MARCHF6: variants seen among roughly 807,000 people sequenced by gnomAD.
MARCHF6 encodes membrane associated ring-CH-type finger 6.
Under a neutral mutation model 133.7 loss-of-function variants are expected in MARCHF6, and 31 were observed. The ratio of observed to expected loss-of-function variants is 0.23; its 90% CI spans 0.17 to 0.31. The LOEUF (loss-of-function observed/expected upper bound fraction) is 0.31, where lower values mean the gene tolerates loss of function less well. MARCHF6 is among the 10% of genes least tolerant of loss of function. MARCHF6 has a pLI of 1.00. For missense variants in MARCHF6, 723 were observed against 1,121.6 expected (o/e 0.64, Z 5.08); for synonymous variants, 395 against 402.5 (o/e 0.98, Z 0.22).
intron 1 of MARCHF6, among the ~76,000 whole-genome samples, chr5:10,373,798 C>G (rs1736603573): frequency 6.6e-6 from 1 of 152,176 alleles, no homozygotes; most frequent in Non-Finnish European, 1.5e-5. Flanking sequence ...TGCACCCACC[C>G]TCCCTGGTAG....
At chr5:10,425,356 CT>C (rs1348064599) in intron 23 of MARCHF6, among the ~76,000 whole-genome samples, 2 of 152,184 alleles carry the variant, frequency 1.3e-5, no homozygotes, top group African/African-American at 2.4e-5. Flanking sequence ...AGGTTAGCCT[CT>C]GGCCCTTGAA....
intron 6 of MARCHF6, among the ~76,000 whole-genome samples, chr5:10,390,897 A>G (rs1235235317): frequency 6.6e-6 from 1 of 152,198 alleles, no homozygotes; most frequent in East Asian, 1.9e-4. Flanking sequence ...TGTCTTATAA[A>G]AAGGACTACA....
At chr5:10,430,409 G>A (rs1467273011) in intron 25 of MARCHF6, among the ~76,000 whole-genome samples, 3 of 150,632 alleles carry the variant, frequency 2.0e-5, no homozygotes, top group Admixed American at 6.6e-5. Flanking sequence ...AGGTTCAAGC[G>A]ATTCTCCTGC....
chr5:10,364,044 G>GT (rs1472371440), intron 1 of MARCHF6, among the ~76,000 whole-genome samples: 1 of 152,202 alleles, frequency 6.6e-6, no homozygotes, highest in Non-Finnish European at 1.5e-5. Context: ...TTGCGTAACT[G>GT]TAAATATACT....
chr5:10,415,368 A>G (rs1561142808), intron 20 of MARCHF6, 120 bp from the exon 21 acceptor site: 7 of 879,626 alleles, frequency 8.0e-6, no homozygotes, highest in Admixed American at 2.5e-5. Flanking sequence ...TTTGATGAAG[A>G]CATTGATATA....
chr5:10,426,843 A>C (rs568380087), intron 24 of MARCHF6, among the ~76,000 whole-genome samples: 1 of 152,352 alleles, frequency 6.6e-6, no homozygotes, highest in African/African-American at 2.4e-5. Flanking sequence ...ATATAAAATT[A>C]AGTAACAGTG....
intron 1 of MARCHF6, among the ~76,000 whole-genome samples, chr5:10,362,863 A>T (rs1241880922): frequency 6.6e-6 from 1 of 152,168 alleles, no homozygotes; most frequent in Non-Finnish European, 1.5e-5. Context: ...AGTGTAGGAT[A>T]GAGTCCAGAA....
intron 1 of MARCHF6, among the ~76,000 whole-genome samples, chr5:10,367,325 G>T (rs1249064611): frequency 6.6e-6 from 1 of 152,204 alleles, no homozygotes; most frequent in Non-Finnish European, 1.5e-5. Flanking sequence ...TGTAACAAAA[G>T]TGTAACAAAT....
chr5:10,406,525 G>A lies in MARCHF6; in HGVS notation c.1453-577G>A, dbSNP rs529238689. ...GTGACTCAGCCTCCCAAGTAGCTGG[G>A]ATTACAGGCGCCCACCACCAAGCTC... On this transcript the variant is annotated intron_variant, in intron 16 of 25. Coordinates refer to ENST00000274140, the MANE Select transcript of MARCHF6 (RefSeq NM_005885.4). 3.9e-5 allele frequency among the ~76,000 whole-genome samples: 6 copies of A among 151,908 alleles called. No homozygotes were observed. The South Asian group carries it at 1.2e-3, about 32-fold the overall frequency.
Position 10,403,389 on chromosome 5 carries a change from T to C in MARCHF6, c.1198-18T>C, listed in dbSNP as rs996301675. The C allele has an allele frequency of 1.6e-5, 26 of 1,606,114 alleles. No homozygotes were observed. The highest frequency in any genetic ancestry group is 2.1e-5 in the Non-Finnish European group (25 of 1,177,126). On this transcript the variant is annotated intron_variant, in intron 14 of 25. Coordinates refer to ENST00000274140, the MANE Select transcript of MARCHF6 (RefSeq NM_005885.4). ...GTAGGGGGCACAGATTTCTCTTACC[T>C]GTCCTCTTTTGTCTCAGGAAATGTT...
At position 10,361,094 on chromosome 5, in the gene MARCHF6, T is replaced by A. The variant is rs570840673; in HGVS notation, c.19+7177T>A. On this transcript the variant is annotated intron_variant, in intron 1 of 25. Coordinates refer to ENST00000274140, the MANE Select transcript of MARCHF6 (RefSeq NM_005885.4). ...ACTATATTTTAGAATGCTGTTGCAGTAGGCTAGATGAGATATAGGAGTTAC... is the reference window on the plus strand; with the variant it reads ...ACTATATTTTAGAATGCTGTTGCAGAAGGCTAGATGAGATATAGGAGTTAC... 2.6e-5 allele frequency among the ~76,000 whole-genome samples: 4 copies of A among 152,302 alleles called. No individual in the cohort carries two copies. In the South Asian group the frequency reaches 8.3e-4, roughly 32 times the overall value.
chr5:10,385,428 A>G (rs1737407080), intron 4 of MARCHF6, among the ~76,000 whole-genome samples: 1 of 149,432 alleles, frequency 6.7e-6, no homozygotes, highest in Non-Finnish European at 1.5e-5. Flanking sequence ...AAGGCAGGAA[A>G]GAAAGGAAGG....
chr5:10,377,868 C>A lies in MARCHF6; in HGVS notation c.90C>A (p.Gly30=). The change falls in exon 2 of 26, where the codon GGC becomes GGA. Residue 30 remains glycine (G), a synonymous_variant. Coordinates refer to ENST00000274140, the MANE Select transcript of MARCHF6 (RefSeq NM_005885.4). ...TTTATCATCCTTGTGTATGTACTGG[C>A]AGTATTAAGTTTATCCATCAAGAAT... ...KPLYHPCVCT[G]SIKFIHQECL... 1 of 1,612,028 alleles carries A rather than the reference C, an allele frequency of 6.2e-7. No individual in the cohort carries two copies. Among genetic ancestry groups the A allele is most frequent in the Non-Finnish European group, 8.5e-7 (1 of 1,178,272 alleles).
intron 9 of MARCHF6, 66 bp from the exon 10 acceptor site, chr5:10,397,227 A>T: frequency 8.5e-7 from 1 of 1,178,462 alleles, no homozygotes; most frequent in Non-Finnish European, 1.2e-6. Flanking sequence ...AAATAAGTGG[A>T]ATAGTCCAAT....
chr5:10,436,222 T>C lies in MARCHF6; in HGVS notation c.*2538T>C, dbSNP rs1740649600. The C allele has an allele frequency of 6.6e-6, 1 of 152,164 alleles. No individual in the cohort carries two copies. The highest frequency in any genetic ancestry group is 1.5e-5 in the Non-Finnish European group (1 of 68,012). 9.4% of individuals were successfully genotyped at this position (152,164 alleles called of 1,614,324 possible). A position where few individuals can be genotyped will look rare whatever the true frequency, so the allele number is the denominator to read the frequency against. ...TTATCAATGTTTTGTAAACAAACAA[T>C]ATGAATGGCCAAAAAATTGCCCTCC... On this transcript the variant is annotated 3_prime_UTR_variant, in exon 26 of 26. Coordinates refer to ENST00000274140, the MANE Select transcript of MARCHF6 (RefSeq NM_005885.4).
chr5:10,363,270 T>C (rs1735933362), intron 1 of MARCHF6, among the ~76,000 whole-genome samples: 1 of 152,190 alleles, frequency 6.6e-6, no homozygotes, highest in African/African-American at 2.4e-5. Flanking sequence ...AAGATGTATC[T>C]TATAAGGGGC....
chr5:10,376,865 A>G (rs1579543302), intron 1 of MARCHF6, among the ~76,000 whole-genome samples: 1 of 152,294 alleles, frequency 6.6e-6, no homozygotes, highest in Admixed American at 6.5e-5. Context: ...AGTCGTCGTT[A>G]AGGAAGAATT....
At chr5:10,390,228 G>GTT (rs11449510) in intron 5 of MARCHF6, 104 bp from the exon 6 acceptor site, 49,618 of 636,520 alleles carry the variant, frequency 0.078, 30 homozygotes, top group Middle Eastern at 0.095. Context: ...TCTTCTGGCT[G>GTT]TTTTTTTTTT....
Position 10,353,805 on chromosome 5 carries a change from G to T in MARCHF6, c.-94G>T. On this transcript the variant is annotated 5_prime_UTR_variant, in exon 1 of 26. Coordinates refer to ENST00000274140, the MANE Select transcript of MARCHF6 (RefSeq NM_005885.4). Reference sequence around the variant, plus strand: ...CTCTCGCACCTGAGCGTACGCACCTGCCCGGGCCCGGCTCCCTCCTCCTCT... The same window carrying T: ...CTCTCGCACCTGAGCGTACGCACCTTCCCGGGCCCGGCTCCCTCCTCCTCT... 2 of 1,193,946 alleles carry T rather than the reference G, an allele frequency of 1.7e-6. No homozygotes were observed. The highest frequency in any genetic ancestry group is 2.4e-6 in the Non-Finnish European group (2 of 843,522). 74.0% of individuals were successfully genotyped at this position (1,193,946 alleles called of 1,614,324 possible).
Sources: gnomAD v4.1 joint callset for allele counts (sites outside exome capture counted in the v4.1 genomes callset) on GRCh38, gnomAD v4.1.1 for gene constraint, MANE v1.5 for transcripts, NCBI Gene and HGNC (gene_info 2026-07-23, HGNC 2026-07-21) for gene names.